The following CENPP variants were observed in gnomAD, a reference collection of about 807,000 sequenced individuals.
The protein encoded by CENPP is centromere protein P.
In CENPP, 24 loss-of-function variants were observed where a neutral mutation model predicts 35.6. That is an observed-to-expected ratio of 0.67 (90% CI 0.49 to 0.95). The LOEUF (loss-of-function observed/expected upper bound fraction) is 0.95, where lower values mean the gene tolerates loss of function less well. Ranked by LOEUF, CENPP falls within the 40% of genes least tolerant of loss-of-function variation. The pLI is 0.00. For missense variants in CENPP, 332 were observed against 345.3 expected (o/e 0.96, Z 0.31); for synonymous variants, 120 against 125.5 (o/e 0.96, Z 0.29).
chr9:92,524,292 C>T (rs1182750708), intron 5 of CENPP, among the ~76,000 whole-genome samples: 1 of 152,118 alleles, frequency 6.6e-6, no homozygotes, highest in African/African-American at 2.4e-5. Flanking sequence ...ATTAGCTGGT[C>T]TCAGGGTTAG....
In CENPP at chr9:92,406,690, C is replaced by T. The variant is rs941471831; in HGVS notation, c.564+26831C>T. 2.6e-5 allele frequency among the ~76,000 whole-genome samples: 4 copies of T among 152,204 alleles called. No individual in the cohort carries two copies. In the South Asian group the frequency reaches 6.2e-4, roughly 24 times the overall value. Reference sequence around the variant, plus strand: ...GTAGGGAATGATCCAGTTCTAAGCCCATGTGGTTGTTGACAGCATTCAGTT... The same window carrying T: ...GTAGGGAATGATCCAGTTCTAAGCCTATGTGGTTGTTGACAGCATTCAGTT... On this transcript the variant is annotated intron_variant, in intron 5 of 7. Transcript: ENST00000375587.
chr9:92,360,093 T>C (rs73518478), intron 4 of CENPP, among the ~76,000 whole-genome samples: 1,572 of 152,326 alleles, frequency 0.01, 31 homozygotes, highest in African/African-American at 0.036. Context: ...TTCTGTCATC[T>C]TCTCAAAACC....
intron 5 of CENPP, among the ~76,000 whole-genome samples, chr9:92,390,528 A>G (rs1180845654): frequency 2.6e-5 from 4 of 151,836 alleles, no homozygotes; most frequent in African/African-American, 9.7e-5. Context: ...ATGTTCCCTG[A>G]TTTGTTAAAG....
At chr9:92,350,503 T>C (rs1015051164) in intron 4 of CENPP, among the ~76,000 whole-genome samples, 1 of 152,230 alleles carries the variant, frequency 6.6e-6, no homozygotes, top group African/African-American at 2.4e-5. Context: ...TGTGTGTATG[T>C]GTTTAAACTT....
chr9:92,328,199 G>A (rs185131620), intron 1 of CENPP, among the ~76,000 whole-genome samples: 14 of 152,312 alleles, frequency 9.2e-5, no homozygotes, highest in Admixed American at 6.5e-4. Context: ...AAAGTCAGAA[G>A]AGTCCAGATT....
At chr9:92,332,811 CAA>C (rs778394301) in intron 2 of CENPP, among the ~76,000 whole-genome samples, 2 of 129,566 alleles carry the variant, frequency 1.5e-5, no homozygotes, top group Non-Finnish European at 1.7e-5. Flanking sequence ...CCATTTAAAA[CAA>C]AAAAAAAAAG....
chr9:92,545,847 G>T lies in CENPP; in HGVS notation c.565-65467G>T, dbSNP rs573345265. On this transcript the variant is annotated intron_variant, in intron 5 of 7. Coordinates refer to ENST00000375587, the MANE Select transcript of CENPP (RefSeq NM_001012267.3). Reference sequence around the variant, plus strand: ...AATCAGCACACTGTGTCTAGCTCAAGGTTTGGTAAATGCACCAATCAGTGT... The same window carrying T: ...AATCAGCACACTGTGTCTAGCTCAATGTTTGGTAAATGCACCAATCAGTGT... 2.0e-5 allele frequency among the ~76,000 whole-genome samples: 3 copies of T among 152,314 alleles called. No homozygotes were observed. The South Asian group carries it at 6.2e-4, about 32-fold the overall frequency.
intron 5 of CENPP, among the ~76,000 whole-genome samples, chr9:92,412,975 C>CTTTTTTTTTTTTTTTTT (rs35323105): frequency 2.2e-5 from 1 of 45,244 alleles, no homozygotes; most frequent in Non-Finnish European, 3.9e-5. Flanking sequence ...TGTAACTAAG[C>CTTTTTTTTTTTTTTTTT]TTTTTTTTTT....
chr9:92,581,222 A>T (rs1201561192), intron 5 of CENPP, among the ~76,000 whole-genome samples: 1 of 152,160 alleles, frequency 6.6e-6, no homozygotes, highest in Non-Finnish European at 1.5e-5. Flanking sequence ...GCAGAAAACG[A>T]GAGGTATATG....
intron 5 of CENPP, among the ~76,000 whole-genome samples, chr9:92,609,621 C>G (rs1199448534): frequency 6.6e-6 from 1 of 152,198 alleles, no homozygotes; most frequent in Admixed American, 6.5e-5. Context: ...GCACGTCTCT[C>G]AGAGACTAGC....
chr9:92,373,870 T>C lies in CENPP; in HGVS notation c.468-5893T>C, dbSNP rs1182389827. ...TTTTGAATTCTTTATCTGAGATTTCTGAAATTTCTTTTTGACTGTCTATTG... is the reference window on the plus strand; with the variant it reads ...TTTTGAATTCTTTATCTGAGATTTCCGAAATTTCTTTTTGACTGTCTATTG... On this transcript the variant is annotated intron_variant, in intron 4 of 7. Coordinates refer to ENST00000375587, the MANE Select transcript of CENPP (RefSeq NM_001012267.3). Among the ~76,000 whole-genome samples the C allele has an allele frequency of 2.6e-5, 4 of 152,168 alleles. No individual in the cohort carries two copies. The East Asian group carries it at 7.7e-4, about 29-fold the overall frequency.
chr9:92,534,876 T>C (rs994591469), intron 5 of CENPP, among the ~76,000 whole-genome samples: 27 of 152,338 alleles, frequency 1.8e-4, no homozygotes, highest in African/African-American at 5.5e-4. Flanking sequence ...TGTGCAGACC[T>C]TCCATCCTGT....
chr9:92,496,933 A>C (rs1167339673), intron 5 of CENPP, among the ~76,000 whole-genome samples: 3 of 150,502 alleles, frequency 2.0e-5, no homozygotes, highest in African/African-American at 4.9e-5. Context: ...TTTATTTATA[A>C]GGTTTGCAAA....
chr9:92,595,023 A>C (rs1850745995), intron 5 of CENPP, among the ~76,000 whole-genome samples: 3 of 150,368 alleles, frequency 2.0e-5, no homozygotes, highest in Admixed American at 2.0e-4. Flanking sequence ...CAGCCTCCCG[A>C]GTAGCTGGGA....
intron 5 of CENPP, among the ~76,000 whole-genome samples, chr9:92,521,954 T>C (rs1230596899): frequency 6.6e-6 from 1 of 152,232 alleles, no homozygotes; most frequent in Non-Finnish European, 1.5e-5. Context: ...GTAAACATAC[T>C]GGAAAGAAAC....
chr9:92,612,167 TC>T (rs1851278504), intron 6 of CENPP, among the ~76,000 whole-genome samples: 1 of 152,244 alleles, frequency 6.6e-6, no homozygotes, highest in Non-Finnish European at 1.5e-5. Context: ...GAAATGAAAT[TC>T]CTGTGTCATG....
At chr9:92,346,162 A>G (rs1296513870) in intron 4 of CENPP, among the ~76,000 whole-genome samples, 1 of 152,186 alleles carries the variant, frequency 6.6e-6, no homozygotes, top group African/African-American at 2.4e-5. Context: ...GTTGAAGTAT[A>G]TATCAGGAAT....
intron 5 of CENPP, chr9:92,466,526 C>T: frequency 1.2e-6 from 2 of 1,614,050 alleles, no homozygotes; most frequent in African/African-American, 1.3e-5. Flanking sequence ...GTTAGAAAGG[C>T]TTTTGGGTGA....
chr9:92,511,182 A>G (rs981892374), intron 5 of CENPP, among the ~76,000 whole-genome samples: 5 of 151,924 alleles, frequency 3.3e-5, no homozygotes, highest in Non-Finnish European at 7.4e-5. Flanking sequence ...CTGGAGTGCA[A>G]TGGCGCGATC....
Sources: allele counts gnomAD v4.1 joint callset (sites outside exome capture counted in the v4.1 genomes callset), GRCh38; gene constraint gnomAD v4.1.1; transcripts MANE v1.5; gene names NCBI Gene and HGNC (gene_info 2026-07-23, HGNC 2026-07-21).